WDFY4: variants seen among roughly 807,000 people sequenced by gnomAD.
The protein encoded by WDFY4 is WDFY family member 4, also known as WD repeat- and FYVE domain-containing protein 4.
In WDFY4, 169 loss-of-function variants were observed where a neutral mutation model predicts 351.9. The ratio of observed to expected loss-of-function variants is 0.48; its 90% confidence interval spans 0.42 to 0.55. The LOEUF is 0.55. Among genes scored for constraint, WDFY4 ranks in the 20% least tolerant of loss-of-function variants. WDFY4 has a pLI of 0.00. For synonymous variants in WDFY4, 1,622 were observed against 1,574.6 expected (o/e 1.03, Z -0.71); for missense variants, 3,803 against 3,935.6 (o/e 0.97, Z 0.90).
At chr10:48,695,852 TAC>T (rs2063318143) in intron 1 of WDFY4, among the ~76,000 whole-genome samples, 1 of 152,012 alleles carries the variant, frequency 6.6e-6, no homozygotes, top group South Asian at 2.1e-4. Context: ...TGGAAGTAGG[TAC>T]ACATACCGAG....
rs1415421002 is a variant in WDFY4 at position 48,978,405 on chromosome 10, GC to G, written c.9376+13del. On this transcript the variant is annotated intron_variant, in intron 60 of 61. Transcript: ENST00000325239. ...TCCAAGCCCAAGAGGTACCTGACCT[GC>G]TAGGGATGTGGCCGTCCTGGCCTTG... The G allele has an allele frequency of 1.3e-6, 2 of 1,547,616 alleles. No individual in the cohort carries two copies. The highest frequency in any genetic ancestry group is 4.9e-5 in the East Asian group (2 of 40,836).
At chr10:48,875,209 AAG>A in intron 42 of WDFY4, 69 bp downstream of exon 42, 1 of 916,698 alleles carries the variant, frequency 1.1e-6, no homozygotes, top group Non-Finnish European at 1.5e-6. Flanking sequence ...TATTTTATTA[AAG>A]ATATTAAATT....
intron 39 of WDFY4, among the ~76,000 whole-genome samples, chr10:48,852,514 T>C (rs1447027852): frequency 1.3e-5 from 2 of 152,154 alleles, no homozygotes; most frequent in Admixed American, 6.5e-5. Flanking sequence ...TCTTAGATAA[T>C]CCACTGATGT....
intron 13 of WDFY4, among the ~76,000 whole-genome samples, chr10:48,760,902 A>G (rs1051826886): frequency 6.6e-6 from 1 of 152,192 alleles, no homozygotes; most frequent in Non-Finnish European, 1.5e-5. Context: ...GCCCGCCTCT[A>G]TGATGGGGAT....
chr10:48,752,178 G>T (rs1158549613), intron 12 of WDFY4, among the ~76,000 whole-genome samples: 1 of 152,144 alleles, frequency 6.6e-6, no homozygotes, highest in Non-Finnish European at 1.5e-5. Flanking sequence ...GCTTCTCATA[G>T]TGTGGCCTGT....
Position 48,729,428 on chromosome 10 carries a change from C to A in WDFY4, c.972-4C>A, listed in dbSNP as rs1408060246. 1 of 1,550,464 alleles carries A rather than the reference C, an allele frequency of 6.4e-7. No individual in the cohort carries two copies. The highest frequency in any genetic ancestry group is 8.7e-7 in the Non-Finnish European group (1 of 1,146,988). ...CAGGGAGCTGGCCTCATCTGTTCCC[C>A]CAGGTATGATGGGCTGACCCAGAGC... On this transcript the variant is annotated splice_polypyrimidine_tract_variant and splice_region_variant and intron_variant, in intron 7 of 61. Coordinates refer to ENST00000325239, the MANE Select transcript of WDFY4 (RefSeq NM_001394531.1).
chr10:48,913,598 T>G (rs752371206), intron 47 of WDFY4: 2 of 1,614,162 alleles, frequency 1.2e-6, no homozygotes, highest in Non-Finnish European at 1.7e-6. Context: ...CTATGAATAT[T>G]TCCGACTCAC....
At chr10:48,856,377 C>A (rs1349358715) in intron 39 of WDFY4, among the ~76,000 whole-genome samples, 1 of 152,096 alleles carries the variant, frequency 6.6e-6, no homozygotes, top group African/African-American at 2.4e-5. Flanking sequence ...TAAGAGTATT[C>A]AAGAAAAATA....
Position 48,709,939 on chromosome 10 carries a change from G to A in WDFY4, c.207G>A (p.Leu69=). 6.4e-7 allele frequency: 1 copy of A among 1,552,122 alleles called. No homozygotes were observed. The stretch of plus-strand genomic sequence containing the variant: ...GCCCCATTGAGCGTCAGAAGAGCCT[G>A]TTGAGTCTTCTCCCCCTATTCCTAA... The part of the protein sequence containing the change: ...HKSPIERQKS[L]LSLLPLFLKA... The change falls in exon 2 of 62, where the codon CTG becomes CTA. Residue 69 remains leucine (L), a synonymous_variant. Coordinates refer to ENST00000325239, the MANE Select transcript of WDFY4 (RefSeq NM_001394531.1).
chr10:48,691,228 G>A (rs1184266666), intron 1 of WDFY4, among the ~76,000 whole-genome samples: 4 of 152,148 alleles, frequency 2.6e-5, no homozygotes, highest in African/African-American at 9.7e-5. Context: ...GCTGGATGTG[G>A]GAAGTGGCAG....
chr10:48,772,703 C>G (rs1411751142), intron 13 of WDFY4, among the ~76,000 whole-genome samples: 42 of 148,040 alleles, frequency 2.8e-4, no homozygotes, highest in African/African-American at 7.4e-4. Flanking sequence ...CCCTTACCCC[C>G]ACCCCACCAC....
chr10:48,904,610 A>G (rs1364636520), intron 47 of WDFY4, among the ~76,000 whole-genome samples: 1 of 152,162 alleles, frequency 6.6e-6, no homozygotes, highest in Non-Finnish European at 1.5e-5. Context: ...AGGCGTTCTC[A>G]TCACAGGGGC....
intron 2 of WDFY4, among the ~76,000 whole-genome samples, chr10:48,714,209 A>G (rs2132232926): frequency 6.6e-6 from 1 of 152,304 alleles, no homozygotes; most frequent in East Asian, 1.9e-4. Flanking sequence ...ATTATTAACC[A>G]CTGGATGTCC....
chr10:48,790,809 C>T lies in WDFY4; in HGVS notation c.4149C>T (p.Ser1383=). ...GGPAILLGLI[S]LATDDHTMYA... Reference sequence around the variant, plus strand: ...CTGCCATCCTCCTGGGCCTCATCTCCTTAGCGACAGATGACCATACCATGT... The same window carrying T: ...CTGCCATCCTCCTGGGCCTCATCTCTTTAGCGACAGATGACCATACCATGT... The change falls in exon 23 of 62, where the codon TCC becomes TCT. Residue 1383 remains serine (S), a synonymous_variant. Coordinates refer to ENST00000325239, the MANE Select transcript of WDFY4 (RefSeq NM_001394531.1). 1.9e-6 allele frequency: 3 copies of T among 1,551,808 alleles called. No homozygotes were observed. Among genetic ancestry groups the T allele is most frequent in the Non-Finnish European group, 2.6e-6 (3 of 1,147,024 alleles).
intron 1 of WDFY4, 33 bp from the exon 2 acceptor site, chr10:48,709,683 A>G (rs1589430103): frequency 6.6e-7 from 1 of 1,519,806 alleles, no homozygotes; most frequent in Admixed American, 2.0e-5. Context: ...GTGATGTGAC[A>G]GGAATGTTCA....
At chr10:48,954,205 GAT>G (rs1241725293) in intron 51 of WDFY4, among the ~76,000 whole-genome samples, 1 of 152,214 alleles carries the variant, frequency 6.6e-6, no homozygotes, top group Non-Finnish European at 1.5e-5. Flanking sequence ...ACATGTGAGT[GAT>G]GTCTTAACTG....
chr10:48,710,725 G>T (rs1166136635), intron 2 of WDFY4, among the ~76,000 whole-genome samples: 3 of 152,190 alleles, frequency 2.0e-5, no homozygotes, highest in African/African-American at 7.2e-5. Context: ...TGACAATAAT[G>T]CAAAGTGAGG....
rs189904356 is a variant in WDFY4 at position 48,919,351 on chromosome 10, C to A, written c.7586+17488C>A. Among the ~76,000 whole-genome samples the A allele has an allele frequency of 2.3e-3, 349 of 152,130 alleles. 1 individual carries two copies. The highest frequency in any genetic ancestry group is 8.2e-3 in the African/African-American group (339 of 41,510). ...TAAATATTTGCGAAGGAATGAAAAC[C>A]CAAATAGACCTGTATTTATTGAAGA... is the stretch of plus-strand genomic sequence containing the variant. On this transcript the variant is annotated intron_variant, in intron 47 of 61. Coordinates refer to ENST00000325239, the MANE Select transcript of WDFY4 (RefSeq NM_001394531.1).
At chr10:48,902,495 G>A (rs1005866690) in intron 47 of WDFY4, among the ~76,000 whole-genome samples, 1 of 152,014 alleles carries the variant, frequency 6.6e-6, no homozygotes, top group African/African-American at 2.4e-5. Context: ...TCAAGAGGGT[G>A]TCCCCAGGAA....
Sources: gnomAD v4.1 joint callset for allele counts (sites outside exome capture counted in the v4.1 genomes callset) on GRCh38, gnomAD v4.1.1 for gene constraint, MANE v1.5 for transcripts, NCBI Gene and HGNC (gene_info 2026-07-23, HGNC 2026-07-21) for gene names.